GPC6: variants seen among roughly 807,000 people sequenced by gnomAD.
GPC6 encodes glypican 6.
A neutral mutation model predicts 55.2 loss-of-function variants in GPC6; 14 were observed. That is an observed-to-expected ratio of 0.25 (90% CI 0.17 to 0.40). GPC6 has a LOEUF of 0.40. GPC6 is among the 10% of genes least tolerant of loss of function. The pLI is 1.00. For missense variants in GPC6, 641 were observed against 708.5 expected, an observed-to-expected ratio of 0.90 and a Z score of 1.08; for synonymous variants, 278 against 259.6, an observed-to-expected ratio of 1.07 and a Z score of -0.68.
At chr13:93,930,173 C>T (rs1335182827) in intron 3 of GPC6, among the ~76,000 whole-genome samples, 1 of 151,580 alleles carries the variant, frequency 6.6e-6, no homozygotes, top group Non-Finnish European at 1.5e-5. Flanking sequence ...CTGCTGGGAT[C>T]ATTCTGTTAT....
chr13:94,073,137 C>G (rs1884794087), intron 4 of GPC6, among the ~76,000 whole-genome samples: 1 of 152,126 alleles, frequency 6.6e-6, no homozygotes, highest in Non-Finnish European at 1.5e-5. Flanking sequence ...TTGACATCTG[C>G]ATTGAATGGC....
At chr13:93,937,669 C>T (rs1878504354) in intron 3 of GPC6, among the ~76,000 whole-genome samples, 1 of 152,092 alleles carries the variant, frequency 6.6e-6, no homozygotes, top group Admixed American at 6.6e-5. Flanking sequence ...ACCTCTGCCT[C>T]CCGGATTCAA....
At chr13:93,959,910 G>T (rs1185758800) in intron 3 of GPC6, among the ~76,000 whole-genome samples, 3 of 152,166 alleles carry the variant, frequency 2.0e-5, no homozygotes, top group Admixed American at 6.5e-5. Context: ...TTTAATTCCA[G>T]ATAATCCAAT....
chr13:93,443,805 T>C (rs143545909), intron 1 of GPC6, among the ~76,000 whole-genome samples: 1 of 152,298 alleles, frequency 6.6e-6, no homozygotes, highest in African/African-American at 2.4e-5. Flanking sequence ...TTAATCATGA[T>C]CTAAGGAGTG....
At chr13:93,785,311 A>G (rs1278148977) in intron 2 of GPC6, among the ~76,000 whole-genome samples, 1 of 152,226 alleles carries the variant, frequency 6.6e-6, no homozygotes, top group Non-Finnish European at 1.5e-5. Flanking sequence ...GTAGAAAAGA[A>G]GAGTATAGTC....
intron 6 of GPC6, among the ~76,000 whole-genome samples, chr13:94,356,141 C>A (rs535998413): frequency 9.2e-5 from 14 of 152,340 alleles, no homozygotes; most frequent in African/African-American, 2.9e-4. Flanking sequence ...TGTCTGGCTG[C>A]ATAGTATTCC....
chr13:93,497,383 G>A (rs955600796), intron 1 of GPC6, among the ~76,000 whole-genome samples: 1 of 152,164 alleles, frequency 6.6e-6, no homozygotes, highest in African/African-American at 2.4e-5. Flanking sequence ...GGATTACAGA[G>A]CAAAGATATT....
chr13:93,927,614 G>T (rs1483841132), intron 3 of GPC6, among the ~76,000 whole-genome samples: 1 of 150,992 alleles, frequency 6.6e-6, no homozygotes, highest in Non-Finnish European at 1.5e-5. Flanking sequence ...AGATGAGATT[G>T]TGGATCTACT....
chr13:93,627,241 A>T (rs1330778203), intron 2 of GPC6, among the ~76,000 whole-genome samples: 1 of 151,590 alleles, frequency 6.6e-6, no homozygotes, highest in East Asian at 1.9e-4. Flanking sequence ...CTTATGAGTG[A>T]GAACATGTGG....
At position 93,268,860 on chromosome 13, in the gene GPC6, C is replaced by G. The variant is rs150451782; in HGVS notation, c.160+41244C>G. ...AAGACCCACTTCTATGCTCTCTTCTCTGCCTCCCTTTCCTTCAACAAGTTC... is the reference window on the plus strand; with the variant it reads ...AAGACCCACTTCTATGCTCTCTTCTGTGCCTCCCTTTCCTTCAACAAGTTC... On this transcript the variant is annotated intron_variant, in intron 1 of 8. Coordinates refer to ENST00000377047, the MANE Select transcript of GPC6 (RefSeq NM_005708.5). 1.6e-3 allele frequency among the ~76,000 whole-genome samples: 249 copies of G among 152,242 alleles called. 1 individual carries two copies. The highest frequency in any genetic ancestry group is 6.8e-3 in the Middle Eastern group (2 of 294).
At chr13:93,503,511 A>AAG (rs1207104496) in intron 1 of GPC6, among the ~76,000 whole-genome samples, 2 of 152,224 alleles carry the variant, frequency 1.3e-5, no homozygotes, top group African/African-American at 2.4e-5. Flanking sequence ...AACAGGCTGC[A>AAG]AGAGGGATTT....
At chr13:93,597,535 T>C (rs370869701) in intron 2 of GPC6, among the ~76,000 whole-genome samples, 2 of 152,174 alleles carry the variant, frequency 1.3e-5, no homozygotes, top group South Asian at 2.1e-4. Flanking sequence ...GAGCAACATA[T>C]GTTTGAACTG....
intron 1 of GPC6, among the ~76,000 whole-genome samples, chr13:93,470,164 AT>A (rs71643708): frequency 0.15 from 22,004 of 151,474 alleles, 1,832 homozygotes; most frequent in Non-Finnish European, 0.19. Flanking sequence ...TCCCATAGAG[AT>A]TTTTTTTTCT....
At chr13:93,424,829 A>G (rs1877062950) in intron 1 of GPC6, among the ~76,000 whole-genome samples, 1 of 152,060 alleles carries the variant, frequency 6.6e-6, no homozygotes, top group Non-Finnish European at 1.5e-5. Context: ...TCTGTGTCAT[A>G]TGTTTCCCGT....
chr13:94,288,826 T>C (rs1265616377), intron 5 of GPC6, among the ~76,000 whole-genome samples: 16 of 116,978 alleles, frequency 1.4e-4, no homozygotes, highest in Non-Finnish European at 2.3e-4. Flanking sequence ...TAAATATATA[T>C]ATTTGTTATA....
intron 3 of GPC6, among the ~76,000 whole-genome samples, chr13:93,890,632 A>G (rs1190589660): frequency 1.3e-5 from 2 of 151,908 alleles, no homozygotes; most frequent in African/African-American, 4.8e-5. Flanking sequence ...TATGCATGAT[A>G]TACATCAGTA....
rs145865815 is a variant in GPC6 at position 94,183,863 on chromosome 13, A to T, written c.878-102486A>T. On this transcript the variant is annotated intron_variant, in intron 4 of 8. Transcript: ENST00000377047. ...TATTTGGGGAGATTATTTTTACTCAAACCAGGGAGAAGGGGAGAACAAGGG... is the reference window on the plus strand; with the variant it reads ...TATTTGGGGAGATTATTTTTACTCATACCAGGGAGAAGGGGAGAACAAGGG... Among the ~76,000 whole-genome samples, 40 of 152,292 alleles carry T rather than the reference A, an allele frequency of 2.6e-4. 1 individual carries two copies. The highest frequency in any genetic ancestry group is 9.6e-4 in the African/African-American group (40 of 41,564).
At chr13:93,627,067 C>T (rs1412929512) in intron 2 of GPC6, among the ~76,000 whole-genome samples, 1 of 151,930 alleles carries the variant, frequency 6.6e-6, no homozygotes, top group Non-Finnish European at 1.5e-5. Flanking sequence ...AGTTTTGTTA[C>T]ATAGGTATAC....
chr13:93,469,954 T>G (rs1879049843), intron 1 of GPC6, among the ~76,000 whole-genome samples: 1 of 152,182 alleles, frequency 6.6e-6, no homozygotes, highest in East Asian at 1.9e-4. Flanking sequence ...ATTTCTGTGT[T>G]CCTTATTTTC....
Sources: gnomAD v4.1 joint callset for allele counts (sites outside exome capture counted in the v4.1 genomes callset) on GRCh38, gnomAD v4.1.1 for gene constraint, MANE v1.5 for transcripts, NCBI Gene and HGNC (gene_info 2026-07-23, HGNC 2026-07-21) for gene names.